The following TRAPPC9 variants were observed in gnomAD, a reference collection of about 807,000 sequenced individuals.
The protein encoded by TRAPPC9 is IKK2 binding protein.
TRAPPC9 carries 83 observed loss-of-function variants against 124.0 expected under a neutral mutation model. That is an observed-to-expected ratio of 0.67 (90% confidence interval 0.56 to 0.80). The LOEUF (loss-of-function observed/expected upper bound fraction) is 0.80. TRAPPC9 is among the 30% of genes least tolerant of loss of function. The pLI is 0.00. For missense variants in TRAPPC9, 1,302 were observed against 1,508.3 expected, an observed-to-expected ratio of 0.86 and a Z score of 2.27; for synonymous variants, 638 against 617.5, an observed-to-expected ratio of 1.03 and a Z score of -0.49.
chr8:139,787,560 G>T (rs80160856), intron 21 of TRAPPC9, among the ~76,000 whole-genome samples: 2 of 152,236 alleles, frequency 1.3e-5, no homozygotes, highest in South Asian at 2.1e-4. Flanking sequence ...ATGGAAAAAG[G>T]CCTCACCGAA....
intron 20 of TRAPPC9, among the ~76,000 whole-genome samples, chr8:139,893,695 T>A (rs908180462): frequency 6.6e-6 from 1 of 152,204 alleles, no homozygotes; most frequent in Non-Finnish European, 1.5e-5. Context: ...CCACAACTCA[T>A]CTTCAGCATG....
chr8:140,173,263 C>CA (rs2130958304), intron 17 of TRAPPC9, among the ~76,000 whole-genome samples: 1 of 152,240 alleles, frequency 6.6e-6, no homozygotes, highest in Admixed American at 6.5e-5. Flanking sequence ...GGATTAAAGA[C>CA]ATCTTCTGTG....
At chr8:139,941,600 C>A (rs1417978282) in intron 19 of TRAPPC9, among the ~76,000 whole-genome samples, 1 of 152,230 alleles carries the variant, frequency 6.6e-6, no homozygotes, top group Non-Finnish European at 1.5e-5. Flanking sequence ...CATCACCATC[C>A]AATTCAACAG....
At chr8:139,865,743 T>C (rs1828485357) in intron 21 of TRAPPC9, among the ~76,000 whole-genome samples, 1 of 152,032 alleles carries the variant, frequency 6.6e-6, no homozygotes, top group Non-Finnish European at 1.5e-5. Context: ...GGGAGGAAGG[T>C]ATCCGCACAG....
At chr8:140,297,323 C>G (rs1448722067) in intron 11 of TRAPPC9, among the ~76,000 whole-genome samples, 2 of 152,046 alleles carry the variant, frequency 1.3e-5, no homozygotes, top group Non-Finnish European at 2.9e-5. Context: ...CACATGCATG[C>G]ACACACTCAT....
chr8:139,743,149 G>A (rs984535336), intron 21 of TRAPPC9, among the ~76,000 whole-genome samples: 4 of 152,194 alleles, frequency 2.6e-5, no homozygotes, highest in East Asian at 3.9e-4. Context: ...GTAAATTACA[G>A]TGACAGCGGA....
intron 19 of TRAPPC9, among the ~76,000 whole-genome samples, chr8:139,979,762 C>T (rs1021497962): frequency 6.6e-6 from 1 of 152,204 alleles, no homozygotes; most frequent in Non-Finnish European, 1.5e-5. Flanking sequence ...AAGAGACCCA[C>T]AGCGTCGAGG....
intron 17 of TRAPPC9, among the ~76,000 whole-genome samples, chr8:140,110,228 CAGCAGCTCCCCCTGT>C (rs1383364569): frequency 7.3e-6 from 1 of 136,304 alleles, no homozygotes; most frequent in Non-Finnish European, 1.6e-5. Flanking sequence ...GCTCCCCCTA[CAGCAGCTCCCCCTGT>C]AGCAGCTCCC....
chr8:140,252,028 C>CT lies in TRAPPC9; in HGVS notation c.2431+748dup, dbSNP rs558681366. Among the ~76,000 whole-genome samples the CT allele has an allele frequency of 2.5e-3, 358 of 145,322 alleles. 1 individual carries two copies. Among genetic ancestry groups the CT allele is most frequent in the East Asian group, 3.8e-3 (19 of 5,020 alleles). On this transcript the variant is annotated intron_variant, in intron 16 of 22. Transcript: ENST00000438773. The surrounding 1 kb of genome is among the most constrained non-coding windows in gnomAD (Gnocchi z 4.2). ...ATTTGGCATAATTAATTTATGAAAT[C>CT]TTTTTTTTTTTTTTGAGATGGAGTC...
intron 18 of TRAPPC9, among the ~76,000 whole-genome samples, chr8:139,994,974 G>A (rs1362296618): frequency 4.5e-5 from 3 of 66,880 alleles, no homozygotes; most frequent in Non-Finnish European, 8.4e-5. Context: ...ACATGAATTG[G>A]TTTGTGTTTA....
At chr8:140,088,758 A>C (rs570917407) in intron 17 of TRAPPC9, among the ~76,000 whole-genome samples, 1 of 152,260 alleles carries the variant, frequency 6.6e-6, no homozygotes, top group African/African-American at 2.4e-5. Context: ...ATGAATAAAC[A>C]TATCAGAAGC....
chr8:140,300,352 C>T (rs1259379890), intron 11 of TRAPPC9, 117 bp downstream of exon 11: 19 of 1,312,208 alleles, frequency 1.4e-5, no homozygotes, highest in Admixed American at 5.1e-5. Context: ...CACACATCCA[C>T]GCACGCACAC....
intron 9 of TRAPPC9, among the ~76,000 whole-genome samples, chr8:140,320,145 TG>T (rs1406145153): frequency 3.3e-5 from 5 of 152,238 alleles, no homozygotes; most frequent in African/African-American, 1.2e-4. Flanking sequence ...CAATCGATTC[TG>T]GTACTTTCAC....
chr8:140,137,969 C>T (rs1156650926), intron 17 of TRAPPC9, among the ~76,000 whole-genome samples: 1 of 152,174 alleles, frequency 6.6e-6, no homozygotes, highest in Non-Finnish European at 1.5e-5. Context: ...TGGCATAATA[C>T]GTGCCAATAT....
At chr8:139,917,167 C>CTTTTTTCTTTTTTTT (rs1832195372) in intron 19 of TRAPPC9, among the ~76,000 whole-genome samples, 12 of 99,928 alleles carry the variant, frequency 1.2e-4, no homozygotes, top group African/African-American at 5.2e-4. Context: ...TTATTATTTT[C>CTTTTTTCTTTTTTTT]TTTTTTTTTT....
Position 140,353,333 on chromosome 8 carries a change from C to T in TRAPPC9, c.1495+6717G>A, listed in dbSNP as rs1263917016. 2.6e-5 allele frequency among the ~76,000 whole-genome samples: 4 copies of T among 152,008 alleles called. No individual in the cohort carries two copies. Among genetic ancestry groups the T allele is most frequent in the South Asian group, 2.1e-4 (1 of 4,806 alleles). On this transcript the variant is annotated intron_variant, in intron 9 of 22. Transcript: ENST00000438773. This position sits in a 1 kb window ranked among gnomAD's most constrained non-coding sequence, Gnocchi z 4.2. ...CTCATGGGACCCCCCCCTTTCGTCA[C>T]TCCTCAGTCTTTTCACAGTAGCATT...
At chr8:139,873,044 GT>G (rs1478052120) in intron 21 of TRAPPC9, among the ~76,000 whole-genome samples, 1 of 151,580 alleles carries the variant, frequency 6.6e-6, no homozygotes, top group East Asian at 1.9e-4. Flanking sequence ...GGATGGGTGG[GT>G]GGGCTGGTAG....
chr8:140,231,708 T>A (rs1477948006), intron 16 of TRAPPC9, among the ~76,000 whole-genome samples: 1 of 147,370 alleles, frequency 6.8e-6, no homozygotes, highest in African/African-American at 2.5e-5. Flanking sequence ...CTCTCTCTCC[T>A]CCACCACACA....
intron 21 of TRAPPC9, among the ~76,000 whole-genome samples, chr8:139,883,434 A>G (rs886731130): frequency 2.0e-5 from 3 of 152,244 alleles, no homozygotes; most frequent in African/African-American, 7.2e-5. Context: ...CATGTAACAC[A>G]GCAGGGGGCT....
Sources: allele counts gnomAD v4.1 joint callset (sites outside exome capture counted in the v4.1 genomes callset), GRCh38; gene constraint gnomAD v4.1.1; non-coding constraint Gnocchi (gnomAD v3.1); transcripts MANE v1.5; gene names NCBI Gene and HGNC (gene_info 2026-07-23, HGNC 2026-07-21).